PEPD: variants seen among roughly 807,000 people sequenced by gnomAD.
The protein encoded by PEPD is xaa-Pro dipeptidase.
A neutral mutation model predicts 60.7 loss-of-function variants in PEPD; 53 were observed. The observed-to-expected ratio is 0.87, with a 90% confidence interval of 0.70 to 1.10. PEPD has a LOEUF of 1.10. Among genes scored for constraint, PEPD ranks in the 50% least tolerant of loss-of-function variants. PEPD has a pLI of 0.00. For synonymous variants in PEPD, 267 were observed against 284.1 expected, an observed-to-expected ratio of 0.94 and a Z score of 0.60; for missense variants, 711 against 711.9, an observed-to-expected ratio of 1.00 and a Z score of 0.01.
At chr19:33,469,497 G>A (rs377033867) in intron 7 of PEPD, among the ~76,000 whole-genome samples, 3 of 152,286 alleles carry the variant, frequency 2.0e-5, no homozygotes, top group East Asian at 1.9e-4. Context: ...TTCTTGGAGC[G>A]CGCAGCAGCC....
At chr19:33,468,938 A>T (rs550725618) in intron 7 of PEPD, among the ~76,000 whole-genome samples, 38 of 152,254 alleles carry the variant, frequency 2.5e-4, no homozygotes, top group African/African-American at 7.9e-4. Flanking sequence ...GTTCAGAGCC[A>T]TGGGCAGGAC....
At chr19:33,460,996 G>T (rs1969915243) in intron 9 of PEPD, among the ~76,000 whole-genome samples, 1 of 152,218 alleles carries the variant, frequency 6.6e-6, no homozygotes, top group South Asian at 2.1e-4. Context: ...TGTGGACTCT[G>T]TGTGGATCCT....
At chr19:33,472,748 G>A (rs1044040985) in intron 7 of PEPD, among the ~76,000 whole-genome samples, 3 of 152,166 alleles carry the variant, frequency 2.0e-5, no homozygotes, top group Non-Finnish European at 2.9e-5. Context: ...AAGTGGCACC[G>A]TGTTGAACAA....
intron 12 of PEPD, among the ~76,000 whole-genome samples, chr19:33,397,837 C>T (rs562832109): frequency 2.6e-5 from 4 of 152,204 alleles, no homozygotes; most frequent in Non-Finnish European, 2.9e-5. Context: ...GGCAGCACCA[C>T]GGGATGGGAG....
At chr19:33,455,986 T>C (rs1411739922) in intron 9 of PEPD, among the ~76,000 whole-genome samples, 1 of 152,196 alleles carries the variant, frequency 6.6e-6, no homozygotes, top group Non-Finnish European at 1.5e-5. Flanking sequence ...TAGTCCTTCA[T>C]CGACCAGGTT....
Position 33,396,364 on chromosome 19 carries a change from G to A in PEPD, c.968-4885C>T, listed in dbSNP as rs930556725. Among the ~76,000 whole-genome samples, 5 of 152,120 alleles carry A rather than the reference G, an allele frequency of 3.3e-5. 1 individual carries two copies. Among genetic ancestry groups the A allele is most frequent in the South Asian group, 4.1e-4 (2 of 4,834 alleles). ...ACAGGAGACACATGCCAGGTGGGCC[G>A]GGGCAGGTGCTGCTGGGCCCCTCTC... On this transcript the variant is annotated intron_variant, in intron 12 of 14. Coordinates refer to ENST00000244137, the MANE Select transcript of PEPD (RefSeq NM_000285.4).
intron 1 of PEPD, among the ~76,000 whole-genome samples, chr19:33,518,734 T>C (rs1971073196): frequency 1.3e-5 from 2 of 152,070 alleles, no homozygotes; most frequent in South Asian, 4.1e-4. Context: ...AGACTGGCCC[T>C]GCGGATACAA....
intron 9 of PEPD, among the ~76,000 whole-genome samples, chr19:33,437,145 C>T (rs528024362): frequency 6.6e-6 from 1 of 152,170 alleles, no homozygotes; most frequent in East Asian, 1.9e-4. Context: ...GACACACCAC[C>T]CCCAACCACC....
intron 7 of PEPD, among the ~76,000 whole-genome samples, chr19:33,474,496 T>C (rs945496266): frequency 6.6e-6 from 1 of 152,124 alleles, no homozygotes; most frequent in Non-Finnish European, 1.5e-5. Flanking sequence ...GGCTGCAGCC[T>C]GGCTAACATG....
At position 33,398,802 on chromosome 19, in the gene PEPD, A is replaced by G. The variant is rs77613010; in HGVS notation, c.967+2919T>C. Among the ~76,000 whole-genome samples the G allele has an allele frequency of 7.0e-3, 1,069 of 152,306 alleles. 14 individuals carry two copies. The highest frequency in any genetic ancestry group is 0.024 in the African/African-American group (1,007 of 41,560). On this transcript the variant is annotated intron_variant, in intron 12 of 14. Coordinates refer to ENST00000244137, the MANE Select transcript of PEPD (RefSeq NM_000285.4). ...AAGAATAAGAAGGGACGCAGCAAGC[A>G]AACTGTCCCGTCCCTTCCTGCACCT...
At chr19:33,465,881 T>C (rs1488863081) in intron 7 of PEPD, among the ~76,000 whole-genome samples, 3 of 152,176 alleles carry the variant, frequency 2.0e-5, no homozygotes, top group Non-Finnish European at 2.9e-5. Flanking sequence ...TAGTCCTTTT[T>C]AGACATTCAA....
intron 12 of PEPD, among the ~76,000 whole-genome samples, chr19:33,398,354 G>C (rs963704184): frequency 6.6e-6 from 1 of 152,328 alleles, no homozygotes; most frequent in South Asian, 2.1e-4. Context: ...TGGATTTCAC[G>C]ACTGCCCGTG....
At chr19:33,425,206 C>T (rs1257065273) in intron 9 of PEPD, among the ~76,000 whole-genome samples, 1 of 152,038 alleles carries the variant, frequency 6.6e-6, no homozygotes, top group Non-Finnish European at 1.5e-5. Flanking sequence ...CCTGTCTCTA[C>T]TCAAAATATA....
At chr19:33,394,969 G>A (rs924560158) in intron 12 of PEPD, 28 of 152,350 alleles carry the variant, frequency 1.8e-4, no homozygotes, top group Admixed American at 1.8e-3. Context: ...TCTTTAGAAC[G>A]AACGGGGCAA....
At chr19:33,432,833 TGGCGCTTCCG>T (rs1340914576) in intron 9 of PEPD, among the ~76,000 whole-genome samples, 1 of 152,246 alleles carries the variant, frequency 6.6e-6, no homozygotes, top group Non-Finnish European at 1.5e-5. Context: ...TTGGAAGCTT[TGGCGCTTCCG>T]GGCTCCCAGT....
In PEPD at chr19:33,391,340, G is replaced by A. The variant is rs907675249; in HGVS notation, c.1107C>T (p.Gly369=). The A allele has an allele frequency of 6.2e-7, 1 of 1,611,494 alleles. No homozygotes were observed. Among genetic ancestry groups the A allele is most frequent in the Non-Finnish European group, 8.5e-7 (1 of 1,179,292 alleles). The part of the protein sequence containing the change: ...LGAVFMPHGL[G]HFLGIDVHDV... ...CGTGCACGTCAATGCCCAGGAAGTGGCCAAGCCCGTGAGGCATAAACACGG... is the reference window on the plus strand; with the variant it reads ...CGTGCACGTCAATGCCCAGGAAGTGACCAAGCCCGTGAGGCATAAACACGG... The change falls in exon 13 of 15, where the codon GGC becomes GGT. Residue 369 remains glycine, a synonymous_variant. Transcript: ENST00000244137.
In PEPD at chr19:33,489,982, G is replaced by T; in HGVS notation, c.503+14C>A. 1 of 1,554,220 alleles carries T rather than the reference G, an allele frequency of 6.4e-7. No homozygotes were observed. Among genetic ancestry groups the T allele is most frequent in the Non-Finnish European group, 8.8e-7 (1 of 1,130,232 alleles). On this transcript the variant is annotated intron_variant, in intron 6 of 14. Transcript: ENST00000244137. Reference sequence around the variant, plus strand: ...GGATGGTGGGGAAAGAGTCCCTGGGGGCCCAGGACTCACTTGCTGATGCCG... The same window carrying T: ...GGATGGTGGGGAAAGAGTCCCTGGGTGCCCAGGACTCACTTGCTGATGCCG...
chr19:33,451,087 C>T (rs1294732153), intron 9 of PEPD, among the ~76,000 whole-genome samples: 1 of 152,226 alleles, frequency 6.6e-6, no homozygotes. Context: ...AGCACACTGC[C>T]TGTAGGTAGC....
intron 12 of PEPD, chr19:33,394,986 C>G (rs1869678219): frequency 6.6e-6 from 1 of 152,328 alleles, no homozygotes; most frequent in Admixed American, 6.5e-5. Flanking sequence ...GCAAACAGGG[C>G]CATTCCCGGC....
Sources: allele counts gnomAD v4.1 joint callset (sites outside exome capture counted in the v4.1 genomes callset), GRCh38; gene constraint gnomAD v4.1.1; transcripts MANE v1.5; gene names NCBI Gene and HGNC (gene_info 2026-07-23, HGNC 2026-07-21).